The following PSMD1 variants were observed in gnomAD, a reference collection of about 807,000 sequenced individuals.
PSMD1 encodes the protein 26S proteasome non-ATPase regulatory subunit 1.
In PSMD1, 18 loss-of-function variants were observed where a neutral mutation model predicts 119.0. The observed-to-expected ratio is 0.15, with a 90% CI of 0.10 to 0.22. The LOEUF (loss-of-function observed/expected upper bound fraction) is 0.22. PSMD1 is among the 10% of genes least tolerant of loss of function. PSMD1 has a pLI of 1.00. For synonymous variants in PSMD1, 374 were observed against 396.6 expected (o/e 0.94, Z 0.68); for missense variants, 702 against 1,158.5 (o/e 0.61, Z 5.72).
At chr2:231,147,558 A>C (rs1271160893) in intron 18 of PSMD1, among the ~76,000 whole-genome samples, 2 of 152,360 alleles carry the variant, frequency 1.3e-5, no homozygotes, top group South Asian at 4.1e-4. Flanking sequence ...AGTGTTTGAT[A>C]TCTCATGTAT....
rs1351445604 is a variant in PSMD1 at position 231,161,458 on chromosome 2, G to C, written c.2337G>C (p.Leu779=). 8.1e-6 allele frequency: 13 copies of C among 1,614,028 alleles called. No homozygotes were observed. The highest frequency in any genetic ancestry group is 1.0e-5 in the Non-Finnish European group (12 of 1,180,006). The change falls in exon 20 of 25, where the codon CTG becomes CTC. Residue 779 remains leucine (L), a synonymous_variant. Coordinates refer to ENST00000308696, the MANE Select transcript of PSMD1 (RefSeq NM_002807.4). ...FWFWFPLSHF[L]SLAYTPTCVI... ...TCTGGTTTCCTCTTTCACACTTCCT[G>C]TCATTGGCTTATACCCCTACCTGTG... is the stretch of plus-strand genomic sequence containing the variant.
At chr2:231,168,500 T>G (rs1378442164) in intron 23 of PSMD1, among the ~76,000 whole-genome samples, 1 of 152,202 alleles carries the variant, frequency 6.6e-6, no homozygotes, top group Non-Finnish European at 1.5e-5. Context: ...TATGCTACAG[T>G]GTGTGTGAAC....
chr2:231,165,463 T>C (rs909360348), intron 22 of PSMD1, among the ~76,000 whole-genome samples, 177 bp downstream of exon 22: 5 of 152,016 alleles, frequency 3.3e-5, no homozygotes, highest in African/African-American at 9.7e-5. Context: ...ATATATCCAT[T>C]TGTGGGAAGA....
In PSMD1 at chr2:231,126,304, G is replaced by A. The variant is rs182481752; in HGVS notation, c.1884-12432G>A. On this transcript the variant is annotated intron_variant, in intron 16 of 24. Coordinates refer to ENST00000308696, the MANE Select transcript of PSMD1 (RefSeq NM_002807.4). ...GTAGTCCCAGCTACTGGGCGGCGGC[G>A]GAGGGGTTGAGGGTTAGGGGTCAGG... Among the ~76,000 whole-genome samples, 305 of 152,130 alleles carry A rather than the reference G, an allele frequency of 2.0e-3. 1 individual carries two copies. The highest frequency in any genetic ancestry group is 7.1e-3 in the African/African-American group (293 of 41,494).
intron 6 of PSMD1, among the ~76,000 whole-genome samples, chr2:231,071,663 A>G (rs1223261843): frequency 6.6e-6 from 1 of 152,170 alleles, no homozygotes; most frequent in Non-Finnish European, 1.5e-5. Context: ...GGAACAAGAA[A>G]ATTTAAATTG....
chr2:231,165,031 T>G (rs1696732692), intron 21 of PSMD1, 169 bp from the exon 22 acceptor site: 1 of 23,086 alleles, frequency 4.3e-5, no homozygotes, highest in East Asian at 1.9e-3. Flanking sequence ...GATTTATATA[T>G]ATTTATATAT....
intron 19 of PSMD1, among the ~76,000 whole-genome samples, chr2:231,156,051 T>TA (rs1442506538): frequency 1.3e-5 from 2 of 152,156 alleles, no homozygotes; most frequent in African/African-American, 2.4e-5. Context: ...TCATAATTCT[T>TA]ACAATTGTAC....
rs190426410 is a variant in PSMD1, at chr2:231,109,836, C to T, written c.1883+22655C>T. Among the ~76,000 whole-genome samples the T allele has an allele frequency of 2.2e-3, 328 of 152,248 alleles. 1 individual carries two copies. Among genetic ancestry groups the T allele is most frequent in the Middle Eastern group, 0.01 (3 of 294 alleles). ...ACTTCAGAGTACATTTATTCAATAT[C>T]TTTACTCAGTTTTGTCTTTGAGGTT... On this transcript the variant is annotated intron_variant, in intron 16 of 24. Transcript: ENST00000308696.
At chr2:231,090,413 G>T (rs2125181548) in intron 16 of PSMD1, among the ~76,000 whole-genome samples, 1 of 152,248 alleles carries the variant, frequency 6.6e-6, no homozygotes, top group East Asian at 1.9e-4. Context: ...ACAAAAATTA[G>T]CTGGACATGG....
chr2:231,073,843 A>C (rs1029945284), intron 7 of PSMD1, among the ~76,000 whole-genome samples: 2 of 151,966 alleles, frequency 1.3e-5, no homozygotes, highest in African/African-American at 4.8e-5. Context: ...ACTAACATTG[A>C]ATCCTATGAC....
chr2:231,116,356 G>A (rs1695332481), intron 16 of PSMD1, among the ~76,000 whole-genome samples: 1 of 152,150 alleles, frequency 6.6e-6, no homozygotes, highest in African/African-American at 2.4e-5. Flanking sequence ...ATTGATTGCA[G>A]TTAAGGATTT....
At chr2:231,142,794 T>G (rs1205513323) in intron 17 of PSMD1, among the ~76,000 whole-genome samples, 1 of 152,228 alleles carries the variant, frequency 6.6e-6, no homozygotes, top group East Asian at 1.9e-4. Context: ...ATTGACAATA[T>G]GTTTGAAAAA....
chr2:231,159,608 T>A (rs1335904315), intron 19 of PSMD1, among the ~76,000 whole-genome samples: 1 of 152,234 alleles, frequency 6.6e-6, no homozygotes, highest in Non-Finnish European at 1.5e-5. Flanking sequence ...CCTAAAGGCA[T>A]TTGAGTTGGT....
chr2:231,159,657 G>T (rs980379289), intron 19 of PSMD1, among the ~76,000 whole-genome samples: 2 of 152,148 alleles, frequency 1.3e-5, no homozygotes, highest in African/African-American at 2.4e-5. Flanking sequence ...CCTTACAAGG[G>T]CTCACCAGCT....
intron 16 of PSMD1, among the ~76,000 whole-genome samples, chr2:231,099,888 A>G (rs1694821745): frequency 6.6e-6 from 1 of 152,144 alleles, no homozygotes; most frequent in South Asian, 2.1e-4. Flanking sequence ...CTGACCACCA[A>G]GGAAATACTT....
chr2:231,115,990 T>C (rs1202782042), intron 16 of PSMD1, among the ~76,000 whole-genome samples: 1 of 152,136 alleles, frequency 6.6e-6, no homozygotes, highest in Non-Finnish European at 1.5e-5. Context: ...AAGATGCACC[T>C]AAGTTTCCTG....
intron 16 of PSMD1, among the ~76,000 whole-genome samples, chr2:231,118,383 G>T (rs1695416579): frequency 6.6e-6 from 1 of 152,146 alleles, no homozygotes; most frequent in South Asian, 2.1e-4. Context: ...ATCTGATTCA[G>T]CTTAAAACTT....
At chr2:231,096,811 C>T (rs1246280642) in intron 16 of PSMD1, among the ~76,000 whole-genome samples, 1 of 152,138 alleles carries the variant, frequency 6.6e-6, no homozygotes, top group Non-Finnish European at 1.5e-5. Flanking sequence ...TAAACTAATT[C>T]TGATTGGCTA....
At chr2:231,132,085 T>C (rs193280075) in intron 16 of PSMD1, among the ~76,000 whole-genome samples, 1 of 152,318 alleles carries the variant, frequency 6.6e-6, no homozygotes, top group Admixed American at 6.5e-5. Context: ...CTGGTATTTA[T>C]GTTCTCAGGC....
Sources: allele counts gnomAD v4.1 joint callset (sites outside exome capture counted in the v4.1 genomes callset), GRCh38; gene constraint gnomAD v4.1.1; transcripts MANE v1.5; gene names NCBI Gene and HGNC (gene_info 2026-07-23, HGNC 2026-07-21).